Variants in FNDC1 observed in about 807,000 individuals in gnomAD.
FNDC1 encodes fibronectin type III domain containing 1, also known as fibronectin type III domain-containing protein 1.
A neutral mutation model predicts 168.0 loss-of-function variants in FNDC1; 96 were observed. That is an observed-to-expected ratio of 0.57 (90% confidence interval 0.48 to 0.68). The LOEUF is 0.68. FNDC1 is among the 30% of genes least tolerant of loss of function. FNDC1 has a pLI of 0.00. For missense variants in FNDC1, 2,587 were observed against 2,482.1 expected (o/e 1.04, Z -0.90); for synonymous variants, 1,099 against 1,025.9 (o/e 1.07, Z -1.36).
chr6:159,244,725 G>GAAC (rs1783502764), intron 14 of FNDC1, among the ~76,000 whole-genome samples: 6 of 152,192 alleles, frequency 3.9e-5, no homozygotes, highest in Admixed American at 3.9e-4. Flanking sequence ...CTTTTAAGAA[G>GAAC]TGGGGGCAGT....
intron 16 of FNDC1, among the ~76,000 whole-genome samples, chr6:159,250,279 G>A (rs779820199): frequency 1.3e-5 from 2 of 152,172 alleles, no homozygotes; most frequent in African/African-American, 2.4e-5. Flanking sequence ...TGCCTTAGCT[G>A]TGTCCCAGGG....
Position 159,271,498 on chromosome 6 carries a change from A to G in FNDC1, c.*56A>G. On this transcript the variant is annotated 3_prime_UTR_variant, in exon 23 of 23. Transcript: ENST00000297267. ...TGCCCAGCCCCACCAACTAAGTCGCACTAGGGGCTGTGAGCAAAGACAGCC... is the reference window on the plus strand; with the variant it reads ...TGCCCAGCCCCACCAACTAAGTCGCGCTAGGGGCTGTGAGCAAAGACAGCC... The G allele has an allele frequency of 7.3e-7, 1 of 1,361,036 alleles. No individual in the cohort carries two copies. The highest frequency in any genetic ancestry group is 1.0e-6 in the Non-Finnish European group (1 of 970,942). The allele number at this position is 1,361,036 out of a possible 1,614,324, so 84.3% of individuals were successfully genotyped here.
intron 4 of FNDC1, among the ~76,000 whole-genome samples, chr6:159,204,684 C>T (rs528799313): frequency 6.6e-6 from 1 of 152,354 alleles, no homozygotes; most frequent in Non-Finnish European, 1.5e-5. Context: ...CTTTCTCTGT[C>T]TGCCATGCTG....
At chr6:159,253,720 A>T (rs180811259) in intron 17 of FNDC1, among the ~76,000 whole-genome samples, 49 of 152,334 alleles carry the variant, frequency 3.2e-4, no homozygotes, top group Non-Finnish European at 6.8e-4. Flanking sequence ...TTTTGATGAG[A>T]ACAACAGAGA....
chr6:159,192,057 A>G (rs1782152976), intron 1 of FNDC1, among the ~76,000 whole-genome samples: 1 of 152,028 alleles, frequency 6.6e-6, no homozygotes, highest in Non-Finnish European at 1.5e-5. Flanking sequence ...TTGTTTTTAT[A>G]TATAGAAATG....
chr6:159,204,172 G>A (rs550209690), intron 4 of FNDC1, among the ~76,000 whole-genome samples: 35 of 152,210 alleles, frequency 2.3e-4, no homozygotes, highest in East Asian at 7.7e-4. Context: ...ATTTCCAGAC[G>A]ATGCTGCGTG....
At chr6:159,249,247 T>A in intron 16 of FNDC1, 65 bp downstream of exon 16, 1 of 1,461,094 alleles carries the variant, frequency 6.8e-7, no homozygotes, top group Non-Finnish European at 9.2e-7. Flanking sequence ...AAGAAAAACA[T>A]TACTAATCTT....
chr6:159,266,548 C>T (rs1037585635), intron 21 of FNDC1, among the ~76,000 whole-genome samples: 1 of 152,054 alleles, frequency 6.6e-6, no homozygotes, highest in East Asian at 1.9e-4. Flanking sequence ...AATTCAAGAC[C>T]AGCTTGGCCA....
At chr6:159,244,445 C>T (rs1783496656) in intron 14 of FNDC1, among the ~76,000 whole-genome samples, 1 of 152,224 alleles carries the variant, frequency 6.6e-6, no homozygotes, top group African/African-American at 2.4e-5. Context: ...CAAGGGCCAT[C>T]TCTTGGGCCT....
At chr6:159,241,814 T>C (rs1242317932) in intron 14 of FNDC1, among the ~76,000 whole-genome samples, 2 of 152,218 alleles carry the variant, frequency 1.3e-5, no homozygotes, top group Non-Finnish European at 2.9e-5. Context: ...ATTTAATCCA[T>C]ACATGTCGAT....
intron 18 of FNDC1, among the ~76,000 whole-genome samples, chr6:159,260,742 T>C (rs1442752864): frequency 1.3e-5 from 2 of 152,236 alleles, no homozygotes; most frequent in African/African-American, 4.8e-5. Context: ...AATTAGGTTA[T>C]AATTTGAATT....
intron 1 of FNDC1, among the ~76,000 whole-genome samples, chr6:159,197,117 G>A (rs1489226331): frequency 6.6e-6 from 1 of 152,150 alleles, no homozygotes; most frequent in Non-Finnish European, 1.5e-5. Context: ...GCAAATTACT[G>A]ATTTGTTATT....
chr6:159,176,942 C>A (rs1158676610), intron 1 of FNDC1, among the ~76,000 whole-genome samples: 1 of 152,180 alleles, frequency 6.6e-6, no homozygotes, highest in African/African-American at 2.4e-5. Context: ...GAAGAATCAT[C>A]TTTGTTTCAT....
chr6:159,224,943 A>G (rs1200390323), intron 7 of FNDC1, among the ~76,000 whole-genome samples: 3 of 152,126 alleles, frequency 2.0e-5, no homozygotes, highest in Non-Finnish European at 2.9e-5. Context: ...CTCCCCCGAT[A>G]ACCATGCACC....
At chr6:159,206,042 A>G (rs927820404) in intron 4 of FNDC1, among the ~76,000 whole-genome samples, 3 of 152,222 alleles carry the variant, frequency 2.0e-5, no homozygotes, top group Admixed American at 6.5e-5. Flanking sequence ...CTGCTGAATG[A>G]ACCAGTGGAG....
chr6:159,191,387 A>G (rs1782136128), intron 1 of FNDC1, among the ~76,000 whole-genome samples: 2 of 152,264 alleles, frequency 1.3e-5, no homozygotes, highest in African/African-American at 4.8e-5. Context: ...ATCAAATCAA[A>G]TGGATTTTTA....
intron 22 of FNDC1, 132 bp from the exon 23 acceptor site, chr6:159,271,195 T>C: frequency 3.1e-6 from 2 of 655,462 alleles, no homozygotes; most frequent in South Asian, 3.6e-5. Flanking sequence ...TGGTTCAGTT[T>C]ATTTGAAAGT....
At chr6:159,269,301 CATCTATCCT>C (rs1777673114) in intron 22 of FNDC1, among the ~76,000 whole-genome samples, 1 of 82,058 alleles carries the variant, frequency 1.2e-5, no homozygotes, top group Non-Finnish European at 3.0e-5. Flanking sequence ...TCCATCCATC[CATCTATCCT>C]ATCTATTTAT....
At chr6:159,195,041 G>C (rs1056814494) in intron 1 of FNDC1, among the ~76,000 whole-genome samples, 5 of 152,098 alleles carry the variant, frequency 3.3e-5, no homozygotes, top group Non-Finnish European at 7.4e-5. Context: ...GGTGCGGTGG[G>C]TGGGAGGAGG....
Sources: allele counts gnomAD v4.1 joint callset (sites outside exome capture counted in the v4.1 genomes callset), GRCh38; gene constraint gnomAD v4.1.1; transcripts MANE v1.5; gene names NCBI Gene and HGNC (gene_info 2026-07-23, HGNC 2026-07-21).